MAPK6: variants seen among roughly 807,000 people sequenced by gnomAD.
MAPK6 encodes mitogen-activated protein kinase 6, also known as ERK-3.
A neutral mutation model predicts 59.3 loss-of-function variants in MAPK6; 19 were observed. That is an observed-to-expected ratio of 0.32 (90% CI 0.22 to 0.47). MAPK6 has a LOEUF of 0.47. Among genes scored for constraint, MAPK6 ranks in the 20% least tolerant of loss-of-function variants. The pLI is 1.00. For missense variants in MAPK6, 724 were observed against 847.9 expected (o/e 0.85, Z 1.81); for synonymous variants, 316 against 290.3 (o/e 1.09, Z -0.90).
At chr15:52,019,771 G>A (rs2030439349) in intron 1 of MAPK6, among the ~76,000 whole-genome samples, 1 of 151,954 alleles carries the variant, frequency 6.6e-6, no homozygotes, top group Non-Finnish European at 1.5e-5. Context: ...TGGCTCCGCG[G>A]GTTCGAAACC....
At chr15:52,008,504 TG>T (rs1315970170) in intron 3 of MAPK6, among the ~76,000 whole-genome samples, 1 of 152,168 alleles carries the variant, frequency 6.6e-6, no homozygotes, top group Non-Finnish European at 1.5e-5. Context: ...CCTGTGCACA[TG>T]GGTCATGGAG....
At chr15:52,038,824 A>G (rs2031325481) in intron 1 of MAPK6, among the ~76,000 whole-genome samples, 1 of 152,176 alleles carries the variant, frequency 6.6e-6, no homozygotes, top group Non-Finnish European at 1.5e-5. Context: ...AAGGGATTAT[A>G]TTTGTTTAGT....
At chr15:52,011,984 G>C (rs1019530187) in intron 3 of MAPK6, among the ~76,000 whole-genome samples, 3 of 152,160 alleles carry the variant, frequency 2.0e-5, no homozygotes. Flanking sequence ...TCCTTGACAG[G>C]TGGCCATTGT....
intron 3 of MAPK6, 46 bp downstream of exon 3, chr15:52,050,183 T>C (rs1242065888): frequency 6.5e-7 from 1 of 1,531,318 alleles, no homozygotes; most frequent in Non-Finnish European, 8.9e-7. Flanking sequence ...AGAAGTAATT[T>C]TGCATTTTAT....
intron 1 of MAPK6, among the ~76,000 whole-genome samples, chr15:51,981,788 G>A (rs758193661): frequency 7.2e-4 from 109 of 152,136 alleles, no homozygotes; most frequent in Non-Finnish European, 1.1e-3. Context: ...AACAAAGAAA[G>A]GAGGATGGGG....
chr15:52,005,414 C>T (rs896109559), intron 3 of MAPK6, among the ~76,000 whole-genome samples: 10 of 152,018 alleles, frequency 6.6e-5, no homozygotes, highest in Non-Finnish European at 2.9e-5. Context: ...GTAATCCCAG[C>T]TACTCAGGAG....
At chr15:51,982,338 A>G (rs1056377835) in intron 1 of MAPK6, among the ~76,000 whole-genome samples, 2 of 152,202 alleles carry the variant, frequency 1.3e-5, no homozygotes, top group Non-Finnish European at 2.9e-5. Context: ...CATCTCACCC[A>G]CAGAGGACTA....
intron 1 of MAPK6, among the ~76,000 whole-genome samples, chr15:51,978,527 T>C (rs905534474): frequency 6.6e-6 from 1 of 151,792 alleles, no homozygotes; most frequent in African/African-American, 2.4e-5. Context: ...TATAGTAAAA[T>C]GTATGAAAAT....
chr15:52,034,263 G>C (rs1186809785), intron 1 of MAPK6, among the ~76,000 whole-genome samples: 1 of 151,876 alleles, frequency 6.6e-6, no homozygotes, highest in Non-Finnish European at 1.5e-5. Flanking sequence ...GGGATTATAG[G>C]CGTGAGCCAC....
In MAPK6 at chr15:52,065,692, T is replaced by TGTATTTAATTATAAAAAATTAA. The variant is rs2032391735; in HGVS notation, c.*693_*714dup. 6.6e-6 allele frequency: 1 copy of TGTATTTAATTATAAAAAATTAA among 152,556 alleles called. No individual in the cohort carries two copies. Among genetic ancestry groups the TGTATTTAATTATAAAAAATTAA allele is most frequent in the Non-Finnish European group, 1.5e-5 (1 of 68,016 alleles). The allele number at this position is 152,556 out of a possible 1,614,324, so 9.5% of individuals were successfully genotyped here. On this transcript the variant is annotated 3_prime_UTR_variant, in exon 6 of 6. Coordinates refer to ENST00000261845, the MANE Select transcript of MAPK6 (RefSeq NM_002748.4). ...TATTTTAGCAAATCAGTATATTTTC[T>TGTATTTAATTATAAAAAATTAA]GTATTTAATTATAAAAAATTAACTT...
At chr15:52,044,859 A>G (rs1349409596) in intron 1 of MAPK6, among the ~76,000 whole-genome samples, 1 of 150,568 alleles carries the variant, frequency 6.6e-6, no homozygotes, top group African/African-American at 2.4e-5. Context: ...CAGATAAATG[A>G]TTCTGGTCTC....
Position 52,064,632 on chromosome 15 carries a change from G to A in MAPK6, c.1798G>A (p.Gly600Ser). 1 of 1,611,784 alleles carries A rather than the reference G, an allele frequency of 6.2e-7. No homozygotes were observed. Among genetic ancestry groups the A allele is most frequent in the Non-Finnish European group, 8.5e-7 (1 of 1,179,696 alleles). The change falls in exon 6 of 6, where the codon GGT becomes AGT. Residue 600 changes from glycine to serine, a missense_variant. By Grantham distance (56) the Gly-to-Ser change is moderately conservative. Coordinates refer to ENST00000261845, the MANE Select transcript of MAPK6 (RefSeq NM_002748.4). ...QSSWDSQFVS[G>S]GEDCFFINQF... ...TTCTTGGGACAGCCAGTTTGTGAGTGGTGGGGAGGACTGTTTTTTCATAAA... is the reference window on the plus strand; with the variant it reads ...TTCTTGGGACAGCCAGTTTGTGAGTAGTGGGGAGGACTGTTTTTTCATAAA...
At chr15:52,029,932 T>C (rs936074534) in intron 1 of MAPK6, among the ~76,000 whole-genome samples, 1 of 152,226 alleles carries the variant, frequency 6.6e-6, no homozygotes, top group Non-Finnish European at 1.5e-5. Context: ...AATGAAATAA[T>C]GTAGATTGCC....
chr15:51,997,066 G>T (rs2057226574), intron 2 of MAPK6, among the ~76,000 whole-genome samples: 1 of 151,468 alleles, frequency 6.6e-6, no homozygotes, highest in Non-Finnish European at 1.5e-5. Flanking sequence ...TGCAACGTCT[G>T]CCTCCCAGGT....
chr15:52,015,117 C>T (rs2030196865), upstream of MAPK6, among the ~76,000 whole-genome samples: 1 of 152,036 alleles, frequency 6.6e-6, no homozygotes, highest in Non-Finnish European at 1.5e-5. Flanking sequence ...TCTCCTGCCT[C>T]AGCCTCCTGA....
chr15:52,024,591 G>T (rs1033061171), intron 1 of MAPK6: 1 of 151,390 alleles, frequency 6.6e-6, no homozygotes, highest in Admixed American at 6.6e-5. Flanking sequence ...AGTAGAGACG[G>T]GGTTTCACCG....
intron 1 of MAPK6, among the ~76,000 whole-genome samples, chr15:52,028,870 A>G (rs1002233544): frequency 3.9e-5 from 6 of 152,162 alleles, no homozygotes; most frequent in African/African-American, 1.4e-4. Context: ...CTTACCACTA[A>G]AACTACTCTA....
At chr15:51,981,109 C>A (rs2057171433) in intron 1 of MAPK6, among the ~76,000 whole-genome samples, 1 of 151,758 alleles carries the variant, frequency 6.6e-6, no homozygotes. Flanking sequence ...ATAAATTACT[C>A]CCTATACAAA....
chr15:52,050,278 T>G (rs2031734856), intron 3 of MAPK6, 141 bp downstream of exon 3: 3 of 754,018 alleles, frequency 4.0e-6, no homozygotes, highest in South Asian at 3.8e-5. Context: ...GCGTTTTTAA[T>G]AAAAAAATTG....
Sources: gnomAD v4.1 joint callset for allele counts (sites outside exome capture counted in the v4.1 genomes callset) on GRCh38, gnomAD v4.1.1 for gene constraint, MANE v1.5 for transcripts, NCBI Gene and HGNC (gene_info 2026-07-23, HGNC 2026-07-21) for gene names.